The following SYNPR variants were observed in gnomAD, a reference collection of about 807,000 sequenced individuals.
SYNPR encodes synaptoporin.
SYNPR carries 23 observed loss-of-function variants against 32.9 expected under a neutral mutation model. The observed-to-expected ratio is 0.70, with a 90% CI of 0.50 to 0.99. SYNPR has a LOEUF of 0.99. Ranked by LOEUF, SYNPR falls within the 50% of genes least tolerant of loss-of-function variation. SYNPR has a pLI of 0.00. For missense variants in SYNPR, 318 were observed against 349.3 expected (o/e 0.91, Z 0.71); for synonymous variants, 146 against 135.9 (o/e 1.07, Z -0.52).
intron 2 of SYNPR, among the ~76,000 whole-genome samples, chr3:63,255,799 T>A (rs1575577394): frequency 6.6e-6 from 1 of 151,650 alleles, no homozygotes; most frequent in South Asian, 2.1e-4. Context: ...GTGCAAGGGG[T>A]CAGGGAATTC....
Position 63,416,493 on chromosome 3 carries a change from A to T in SYNPR, c.85-64339A>T, listed in dbSNP as rs146005055. ...GTTTCAGTGAGCTGAGATTGTGCCAATGTACTCCAGCCTTGGTGACGGAGT... is the reference window on the plus strand; with the variant it reads ...GTTTCAGTGAGCTGAGATTGTGCCATTGTACTCCAGCCTTGGTGACGGAGT... On this transcript the variant is annotated intron_variant, in intron 2 of 5. Coordinates refer to ENST00000478300, the MANE Select transcript of SYNPR (RefSeq NM_001130003.2). Among the ~76,000 whole-genome samples the T allele has an allele frequency of 5.3e-3, 781 of 146,584 alleles. 7 individuals are homozygous for T. Among genetic ancestry groups the T allele is most frequent in the African/African-American group, 0.019 (746 of 39,692 alleles).
At chr3:63,506,639 T>C (rs1263845371) in intron 3 of SYNPR, among the ~76,000 whole-genome samples, 1 of 152,196 alleles carries the variant, frequency 6.6e-6, no homozygotes, top group Admixed American at 6.5e-5. Context: ...CCCAAACTCA[T>C]TTGATCATAG....
intron 2 of SYNPR, among the ~76,000 whole-genome samples, chr3:63,258,360 T>C (rs1233507806): frequency 6.6e-6 from 1 of 152,194 alleles, no homozygotes; most frequent in Middle Eastern, 3.2e-3. Context: ...ACAGAAATTA[T>C]GACAAACTGT....
At chr3:63,413,891 C>A (rs1158604123) in intron 2 of SYNPR, among the ~76,000 whole-genome samples, 1 of 152,016 alleles carries the variant, frequency 6.6e-6, no homozygotes, top group Non-Finnish European at 1.5e-5. Context: ...ATTTTAGAAG[C>A]TAGGAGCTGA....
At chr3:63,438,492 C>A (rs1575644164) in intron 2 of SYNPR, among the ~76,000 whole-genome samples, 1 of 152,274 alleles carries the variant, frequency 6.6e-6, no homozygotes, top group East Asian at 1.9e-4. Context: ...GTTTAGAATT[C>A]TTTCAGACAG....
chr3:63,366,358 A>G (rs1040837533), intron 2 of SYNPR, among the ~76,000 whole-genome samples: 1 of 152,210 alleles, frequency 6.6e-6, no homozygotes, highest in East Asian at 1.9e-4. Flanking sequence ...TATCACTACA[A>G]TAATAAGACT....
At chr3:63,312,431 C>T (rs2086976011) in intron 2 of SYNPR, among the ~76,000 whole-genome samples, 1 of 151,840 alleles carries the variant, frequency 6.6e-6, no homozygotes, top group Non-Finnish European at 1.5e-5. Context: ...CATGTTCCCT[C>T]TCTCTCTCTT....
At chr3:63,354,817 T>G (rs1340506439) in intron 2 of SYNPR, among the ~76,000 whole-genome samples, 1 of 152,216 alleles carries the variant, frequency 6.6e-6, no homozygotes, top group Non-Finnish European at 1.5e-5. Context: ...AGAGCCTGCT[T>G]TATGAGCTAC....
At chr3:63,544,377 T>A (rs888755568) in intron 3 of SYNPR, among the ~76,000 whole-genome samples, 1 of 152,168 alleles carries the variant, frequency 6.6e-6, no homozygotes, top group Non-Finnish European at 1.5e-5. Context: ...TTTATGGTGA[T>A]ATTAATCACT....
At chr3:63,382,423 G>C (rs2087983315) in intron 2 of SYNPR, among the ~76,000 whole-genome samples, 1 of 152,242 alleles carries the variant, frequency 6.6e-6, no homozygotes, top group African/African-American at 2.4e-5. Context: ...TGCTGGCACA[G>C]ATAGAAGTAA....
intron 4 of SYNPR, among the ~76,000 whole-genome samples, chr3:63,586,455 C>G (rs1008112948): frequency 6.6e-6 from 1 of 151,884 alleles, no homozygotes; most frequent in East Asian, 1.9e-4. Flanking sequence ...AAAGCCCATA[C>G]ACAAAGAAAA....
chr3:63,453,143 T>G (rs562146568), intron 2 of SYNPR, among the ~76,000 whole-genome samples: 2 of 152,156 alleles, frequency 1.3e-5, no homozygotes, highest in Non-Finnish European at 2.9e-5. Context: ...TACACACTTA[T>G]GTTTGAGAAG....
intron 2 of SYNPR, among the ~76,000 whole-genome samples, chr3:63,410,169 C>A (rs1553877129): frequency 6.6e-6 from 1 of 152,140 alleles, no homozygotes; most frequent in African/African-American, 2.4e-5. Flanking sequence ...ATTCAACAGG[C>A]AATTATGAAC....
At chr3:63,278,881 C>G in intron 2 of SYNPR, 139 bp downstream of exon 2, 3 of 1,028,382 alleles carry the variant, frequency 2.9e-6, no homozygotes, top group Admixed American at 2.3e-5. Flanking sequence ...AATCCTGCCC[C>G]CTCCTAAGAT....
chr3:63,365,773 G>A (rs956642658), intron 2 of SYNPR, among the ~76,000 whole-genome samples: 5 of 152,062 alleles, frequency 3.3e-5, no homozygotes, highest in African/African-American at 1.2e-4. Flanking sequence ...GTATGTGCAC[G>A]TGTGTGTGTA....
intron 2 of SYNPR, among the ~76,000 whole-genome samples, chr3:63,318,498 C>T (rs917137074): frequency 1.3e-5 from 2 of 151,800 alleles, no homozygotes; most frequent in East Asian, 1.9e-4. Flanking sequence ...AATTCAAAGA[C>T]CTTGTCTTTG....
intron 2 of SYNPR, among the ~76,000 whole-genome samples, chr3:63,445,973 T>C (rs1039921389): frequency 6.6e-6 from 1 of 152,214 alleles, no homozygotes; most frequent in African/African-American, 2.4e-5. Flanking sequence ...AATATGTGTT[T>C]TATTTCCACT....
intron 2 of SYNPR, among the ~76,000 whole-genome samples, chr3:63,453,897 T>G (rs1700429473): frequency 2.0e-5 from 3 of 152,182 alleles, no homozygotes; most frequent in Admixed American, 2.0e-4. Flanking sequence ...TTATTCAACA[T>G]AAAGAGATTT....
chr3:63,204,121 C>T, the SYNPR span, among the ~76,000 whole-genome samples: 134 of 152,312 alleles, frequency 8.8e-4, no homozygotes, highest in Non-Finnish European at 1.7e-3. Context: ...GGTTTAACAT[C>T]AGCCTACCTC....
Sources: gnomAD v4.1 joint callset for allele counts (sites outside exome capture counted in the v4.1 genomes callset) on GRCh38, gnomAD v4.1.1 for gene constraint, MANE v1.5 for transcripts, NCBI Gene and HGNC (gene_info 2026-07-23, HGNC 2026-07-21) for gene names.